Variants in AFF3 observed in about 807,000 individuals in gnomAD.
AFF3 encodes the protein AF4/FMR2 family member 3.
A neutral mutation model predicts 129.7 loss-of-function variants in AFF3; 32 were observed. The ratio of observed to expected loss-of-function variants is 0.25; its 90% CI spans 0.19 to 0.33. The LOEUF is 0.33. Among genes scored for constraint, AFF3 ranks in the 10% least tolerant of loss-of-function variants. The pLI, the probability that AFF3 is intolerant of heterozygous loss-of-function variation, is 1.00. For missense variants in AFF3, 1,373 were observed against 1,592.0 expected, an observed-to-expected ratio of 0.86 and a Z score of 2.34; for synonymous variants, 644 against 635.4, an observed-to-expected ratio of 1.01 and a Z score of -0.20.
rs576009561 is a variant in AFF3 at position 99,893,260 on chromosome 2, T to A, written c.874-55736A>T. ...CAGAACCTTCCACAACAGGAATATA[T>A]CTGATTATATGAATATATGTGAAGT... is the stretch of plus-strand genomic sequence containing the variant. On this transcript the variant is annotated intron_variant, in intron 7 of 24. Coordinates refer to ENST00000672756, the MANE Select transcript of AFF3 (RefSeq NM_001386135.1). Among the ~76,000 whole-genome samples, 70 of 152,272 alleles carry A rather than the reference T, an allele frequency of 4.6e-4. 1 individual carries two copies. Among genetic ancestry groups the A allele is most frequent in the African/African-American group, 1.6e-3 (68 of 41,548 alleles).
chr2:99,906,978 G>T (rs1694765740), intron 7 of AFF3, among the ~76,000 whole-genome samples: 1 of 152,020 alleles, frequency 6.6e-6, no homozygotes, highest in Non-Finnish European at 1.5e-5. Flanking sequence ...GAGCTCTCAG[G>T]TGCTAATACT....
At chr2:100,042,446 G>T (rs1354426471) in intron 4 of AFF3, among the ~76,000 whole-genome samples, 2 of 152,098 alleles carry the variant, frequency 1.3e-5, no homozygotes, top group African/African-American at 2.4e-5. Context: ...CCACTACAGG[G>T]TCTAGAACTG....
chr2:100,056,846 G>A (rs1044806525), intron 4 of AFF3, among the ~76,000 whole-genome samples: 5 of 152,104 alleles, frequency 3.3e-5, no homozygotes, highest in Admixed American at 2.6e-4. Flanking sequence ...AGGCACTCTG[G>A]TATATACTGT....
At chr2:99,798,584 A>G (rs189483243) in intron 8 of AFF3, among the ~76,000 whole-genome samples, 1 of 152,120 alleles carries the variant, frequency 6.6e-6, no homozygotes, top group African/African-American at 2.4e-5. Context: ...TAAGTATAAG[A>G]AAAACCAAAT....
chr2:99,811,516 C>T (rs955110130), intron 8 of AFF3, among the ~76,000 whole-genome samples: 17 of 152,220 alleles, frequency 1.1e-4, no homozygotes, highest in Admixed American at 2.6e-4. Context: ...CTGCAAACAC[C>T]TTTACAGTAT....
intron 8 of AFF3, among the ~76,000 whole-genome samples, chr2:99,775,727 C>T (rs979399778): frequency 6.6e-6 from 1 of 151,904 alleles, no homozygotes; most frequent in Non-Finnish European, 1.5e-5. Flanking sequence ...TGCCATTCCT[C>T]ATGGCTCATC....
chr2:99,784,885 T>C (rs1042177273), intron 8 of AFF3, among the ~76,000 whole-genome samples: 1 of 152,204 alleles, frequency 6.6e-6, no homozygotes, highest in Non-Finnish European at 1.5e-5. Context: ...AAACTCATGA[T>C]AACCTGATCA....
chr2:100,040,203 G>A (rs530933732), intron 4 of AFF3, among the ~76,000 whole-genome samples: 2 of 152,134 alleles, frequency 1.3e-5, no homozygotes, highest in Middle Eastern at 3.4e-3. Flanking sequence ...GTAATATGAC[G>A]ATTATTGCTT....
chr2:99,885,774 A>C (rs993073959), intron 7 of AFF3, among the ~76,000 whole-genome samples: 1 of 152,118 alleles, frequency 6.6e-6, no homozygotes, highest in African/African-American at 2.4e-5. Flanking sequence ...GTTGGCAGAG[A>C]AGCTCAGCCA....
intron 22 of AFF3, among the ~76,000 whole-genome samples, chr2:99,555,624 TC>T (rs1311750231): frequency 1.8e-4 from 27 of 152,162 alleles, no homozygotes; most frequent in African/African-American, 6.5e-4. Context: ...GAGAACCCAA[TC>T]ATGCCTTCAT....
chr2:99,575,685 T>C (rs1430193102), intron 18 of AFF3, among the ~76,000 whole-genome samples: 1 of 152,212 alleles, frequency 6.6e-6, no homozygotes, highest in East Asian at 1.9e-4. Context: ...CATATGGCAA[T>C]TGGAATGCGA....
At chr2:99,958,550 C>T (rs149371903) in intron 7 of AFF3, among the ~76,000 whole-genome samples, 1 of 151,598 alleles carries the variant, frequency 6.6e-6, no homozygotes, top group African/African-American at 2.4e-5. Flanking sequence ...GAGCAACTTC[C>T]AGGTGGACGA....
chr2:100,123,505 G>C (rs1304049802), intron 2 of AFF3, among the ~76,000 whole-genome samples: 2 of 152,142 alleles, frequency 1.3e-5, no homozygotes, highest in Admixed American at 1.3e-4. Context: ...GAATATATGT[G>C]ATTATTGGGC....
chr2:99,632,128 G>A (rs1042034786), intron 13 of AFF3, among the ~76,000 whole-genome samples: 7 of 140,698 alleles, frequency 5.0e-5, no homozygotes, highest in South Asian at 2.4e-4. Flanking sequence ...CAATTCTCCC[G>A]CCTTAGCCTC....
chr2:99,723,120 T>C (rs1168154330), intron 11 of AFF3, among the ~76,000 whole-genome samples: 2 of 152,230 alleles, frequency 1.3e-5, no homozygotes, highest in African/African-American at 4.8e-5. Flanking sequence ...TTAATATAAC[T>C]GGAAGTCTGT....
intron 18 of AFF3, 31 bp downstream of exon 18, chr2:99,578,296 C>G (rs760984204): frequency 1.3e-6 from 2 of 1,575,120 alleles, no homozygotes; most frequent in African/African-American, 1.4e-5. Context: ...CTGTCTTGCC[C>G]CTCACCACAT....
At chr2:99,620,989 G>C (rs1217480749) in intron 13 of AFF3, among the ~76,000 whole-genome samples, 1 of 152,152 alleles carries the variant, frequency 6.6e-6, no homozygotes, top group Admixed American at 6.5e-5. Context: ...AGAACCATGA[G>C]CCAAATAAAT....
chr2:99,560,468 A>C, intron 20 of AFF3, 32 bp from the exon 21 acceptor site: 1 of 1,589,566 alleles, frequency 6.3e-7, no homozygotes, highest in Non-Finnish European at 8.6e-7. Context: ...GAATAGAATA[A>C]AAAACATAAA....
intron 11 of AFF3, among the ~76,000 whole-genome samples, chr2:99,675,154 T>C (rs1687497448): frequency 6.6e-6 from 1 of 152,158 alleles, no homozygotes; most frequent in African/African-American, 2.4e-5. Context: ...CTCTCTTATA[T>C]TAAAAAAATG....
Sources: gnomAD v4.1 joint callset for allele counts (sites outside exome capture counted in the v4.1 genomes callset) on GRCh38, gnomAD v4.1.1 for gene constraint, MANE v1.5 for transcripts, NCBI Gene and HGNC (gene_info 2026-07-23, HGNC 2026-07-21) for gene names.